The following CACNA2D3 variants were observed in gnomAD, a reference collection of about 807,000 sequenced individuals.
The protein encoded by CACNA2D3 is calcium voltage-gated channel auxiliary subunit alpha2delta 3, also known as voltage-dependent calcium channel subunit alpha-2/delta-3.
Under a neutral mutation model 160.6 loss-of-function variants are expected in CACNA2D3, and 60 were observed. The ratio of observed to expected loss-of-function variants is 0.37; its 90% CI spans 0.30 to 0.46. The LOEUF (loss-of-function observed/expected upper bound fraction) is 0.46. Ranked by LOEUF, CACNA2D3 falls within the 20% of genes least tolerant of loss-of-function variation. The pLI is 1.00. For missense variants in CACNA2D3, 1,205 were observed against 1,365.0 expected (o/e 0.88, Z 1.85); for synonymous variants, 558 against 492.9 (o/e 1.13, Z -1.75).
chr3:54,379,431 G>T (rs1365770152), intron 3 of CACNA2D3, among the ~76,000 whole-genome samples: 1 of 152,192 alleles, frequency 6.6e-6, no homozygotes, highest in African/African-American at 2.4e-5. Flanking sequence ...AAAAACATTT[G>T]TATCAATAAG....
chr3:54,622,885 C>G (rs1699019701), intron 9 of CACNA2D3, among the ~76,000 whole-genome samples: 1 of 152,144 alleles, frequency 6.6e-6, no homozygotes, highest in Non-Finnish European at 1.5e-5. Context: ...GCACCAAAAG[C>G]CTGCTGTGTA....
chr3:54,908,584 G>A (rs534935349), intron 27 of CACNA2D3, among the ~76,000 whole-genome samples: 3 of 152,252 alleles, frequency 2.0e-5, no homozygotes, highest in East Asian at 1.9e-4. Flanking sequence ...GGGCAGGCTG[G>A]CAGGCACCTG....
intron 27 of CACNA2D3, among the ~76,000 whole-genome samples, chr3:54,935,030 G>A (rs1037779359): frequency 1.3e-5 from 2 of 152,192 alleles, no homozygotes; most frequent in African/African-American, 4.8e-5. Flanking sequence ...GAGCCATGGC[G>A]CCCAAGTCTG....
chr3:54,670,270 T>C (rs956256992), intron 11 of CACNA2D3, among the ~76,000 whole-genome samples: 1 of 152,184 alleles, frequency 6.6e-6, no homozygotes, highest in Non-Finnish European at 1.5e-5. Flanking sequence ...CCAGGCTGTG[T>C]CGGCACAAGC....
At chr3:54,573,306 G>C (rs1168776640) in intron 8 of CACNA2D3, among the ~76,000 whole-genome samples, 1 of 152,164 alleles carries the variant, frequency 6.6e-6, no homozygotes, top group Non-Finnish European at 1.5e-5. Context: ...AGAAGGCCAA[G>C]GTCATAAAAG....
At position 54,678,765 on chromosome 3, in the gene CACNA2D3, A is replaced by C. The variant is rs549847690; in HGVS notation, c.1167+36524A>C. Among the ~76,000 whole-genome samples the C allele has an allele frequency of 2.0e-5, 3 of 147,506 alleles. No homozygotes were observed. In the East Asian group the frequency reaches 6.0e-4, roughly 30 times the overall value. On this transcript the variant is annotated intron_variant, in intron 11 of 37. Transcript: ENST00000474759. ...AAAAAAAAAAGTTGATGATCAAGTT[A>C]ATTAATTGCATAAACATTTCTTTGT...
At chr3:54,221,282 G>C (rs187665695) in intron 2 of CACNA2D3, among the ~76,000 whole-genome samples, 1 of 152,206 alleles carries the variant, frequency 6.6e-6, no homozygotes, top group South Asian at 2.1e-4. Flanking sequence ...GGGTGGGATC[G>C]TGGGAATGGT....
chr3:54,554,858 C>A (rs1702216262), intron 5 of CACNA2D3, among the ~76,000 whole-genome samples: 2 of 129,518 alleles, frequency 1.5e-5, no homozygotes, highest in South Asian at 5.2e-4. Flanking sequence ...CTTTTCTTTT[C>A]TCTCTCACTC....
At chr3:54,947,712 G>A (rs867863364) in intron 27 of CACNA2D3, among the ~76,000 whole-genome samples, 30 of 152,092 alleles carry the variant, frequency 2.0e-4, no homozygotes, top group African/African-American at 6.3e-4. Flanking sequence ...GTCAGGACTC[G>A]GTCTTGGGAA....
intron 4 of CACNA2D3, among the ~76,000 whole-genome samples, chr3:54,464,060 C>T (rs565491586): frequency 6.6e-6 from 1 of 152,174 alleles, no homozygotes; most frequent in African/African-American, 2.4e-5. Context: ...TGCCTTGGTA[C>T]CAGCAGCGGT....
intron 5 of CACNA2D3, among the ~76,000 whole-genome samples, chr3:54,513,661 C>A (rs1315603775): frequency 1.3e-5 from 2 of 151,366 alleles, no homozygotes; most frequent in Non-Finnish European, 2.9e-5. Flanking sequence ...CTAGCTATGT[C>A]ATGCCTGTTT....
intron 2 of CACNA2D3, among the ~76,000 whole-genome samples, chr3:54,149,418 G>A (rs1197652641): frequency 6.6e-6 from 1 of 152,142 alleles, no homozygotes; most frequent in Admixed American, 6.5e-5. Flanking sequence ...AGGACCACCT[G>A]GGAAAGGGGC....
chr3:54,684,096 G>A (rs527749240), intron 11 of CACNA2D3, among the ~76,000 whole-genome samples: 1 of 148,706 alleles, frequency 6.7e-6, no homozygotes, highest in African/African-American at 2.5e-5. Flanking sequence ...TCAGCCTCCC[G>A]AGTAGCACAC....
chr3:55,010,007 C>T (rs1703175226), intron 34 of CACNA2D3, among the ~76,000 whole-genome samples: 1 of 152,126 alleles, frequency 6.6e-6, no homozygotes, highest in Non-Finnish European at 1.5e-5. Context: ...CTCAGTTTCC[C>T]TATGCTAAGC....
intron 14 of CACNA2D3, among the ~76,000 whole-genome samples, chr3:54,819,890 C>T (rs1464878510): frequency 2.0e-5 from 3 of 152,116 alleles, no homozygotes; most frequent in Admixed American, 2.0e-4. Flanking sequence ...AAACTGACTG[C>T]ACCTTCTTCA....
intron 11 of CACNA2D3, among the ~76,000 whole-genome samples, chr3:54,707,181 A>C (rs987388742): frequency 6.6e-6 from 1 of 152,220 alleles, no homozygotes; most frequent in Non-Finnish European, 1.5e-5. Flanking sequence ...GGGTGAGTCC[A>C]GGCAAAAGCC....
At chr3:54,511,666 G>A (rs996840765) in intron 5 of CACNA2D3, among the ~76,000 whole-genome samples, 2 of 152,174 alleles carry the variant, frequency 1.3e-5, no homozygotes, top group African/African-American at 4.8e-5. Flanking sequence ...CTGCACCTAG[G>A]CTAGAGAAAT....
At chr3:54,631,236 A>ACACACACACACACACACACACAC (rs1559532534) in intron 10 of CACNA2D3, among the ~76,000 whole-genome samples, 1 of 151,520 alleles carries the variant, frequency 6.6e-6, no homozygotes, top group African/African-American at 2.4e-5. Context: ...ACACACACAC[A>ACACACACACACACACACACACAC]AAGATAAATG....
intron 2 of CACNA2D3, among the ~76,000 whole-genome samples, chr3:54,299,428 A>AT (rs1159916429): frequency 1.3e-5 from 2 of 151,924 alleles, no homozygotes; most frequent in African/African-American, 4.8e-5. Flanking sequence ...CAGCTGAAAC[A>AT]TTTTCAAAGT....
Sources: gnomAD v4.1 joint callset for allele counts (sites outside exome capture counted in the v4.1 genomes callset) on GRCh38, gnomAD v4.1.1 for gene constraint, MANE v1.5 for transcripts, NCBI Gene and HGNC (gene_info 2026-07-23, HGNC 2026-07-21) for gene names.